HDAC4: variants seen among roughly 807,000 people sequenced by gnomAD.
The protein encoded by HDAC4 is histone deacetylase 4.
A neutral mutation model predicts 135.1 loss-of-function variants in HDAC4; 16 were observed. The ratio of observed to expected loss-of-function variants is 0.12; its 90% CI spans 0.08 to 0.18. The LOEUF (loss-of-function observed/expected upper bound fraction) is 0.18. Ranked by LOEUF, HDAC4 falls within the 10% of genes least tolerant of loss-of-function variation. HDAC4 has a pLI of 1.00. For missense variants in HDAC4, 1,143 were observed against 1,511.8 expected (o/e 0.76, Z 4.05); for synonymous variants, 685 against 653.4 (o/e 1.05, Z -0.74).
At chr2:239,395,712 A>ACTGCACACTTCTGC (rs1423319639) in intron 1 of HDAC4, among the ~76,000 whole-genome samples, 5 of 151,988 alleles carry the variant, frequency 3.3e-5, no homozygotes, top group Non-Finnish European at 5.9e-5. Context: ...TCCCTCTTAC[A>ACTGCACACTTCTGC]CTGCACACTT....
chr2:239,190,167 C>T, intron 3 of HDAC4, 90 bp from the exon 4 acceptor site: 1 of 1,421,804 alleles, frequency 7.0e-7, no homozygotes, highest in East Asian at 2.6e-5. Context: ...TGGCCACCTT[C>T]ACGGGGCGGG....
At chr2:239,253,609 C>T (rs759863749) in intron 2 of HDAC4, among the ~76,000 whole-genome samples, 2 of 152,230 alleles carry the variant, frequency 1.3e-5, no homozygotes, top group Non-Finnish European at 2.9e-5. Flanking sequence ...GGTTCCCAAA[C>T]CTTACTGCAC....
At chr2:239,383,180 G>A (rs1695539196) in intron 1 of HDAC4, among the ~76,000 whole-genome samples, 1 of 152,218 alleles carries the variant, frequency 6.6e-6, no homozygotes, top group Non-Finnish European at 1.5e-5. Context: ...TGTCGAGGAA[G>A]ATGTGCTTGT....
rs2047184025 is a variant in HDAC4 at position 239,225,476 on chromosome 2, A to G, written c.94+11117T>C. ...CAGAAGTCGGTCTGCGGGAGAGTAA[A>G]GCATAGCTGGACTCCCACCACCTGC... On this transcript the variant is annotated intron_variant, in intron 3 of 26. Coordinates refer to ENST00000543185, the MANE Select transcript of HDAC4 (RefSeq NM_001378414.1). Among the ~76,000 whole-genome samples, 5 of 152,374 alleles carry G rather than the reference A, an allele frequency of 3.3e-5. No individual in the cohort carries two copies. The South Asian group carries it at 1.0e-3, about 32-fold the overall frequency.
chr2:239,066,572 G>T, intron 24 of HDAC4, 150 bp downstream of exon 24: 1 of 985,256 alleles, frequency 1.0e-6, no homozygotes, highest in Non-Finnish European at 1.6e-6. Context: ...GCTATGCGGG[G>T]GTGGGGGGCA....
chr2:239,361,787 C>A (rs1425117304), intron 1 of HDAC4, among the ~76,000 whole-genome samples: 3 of 152,192 alleles, frequency 2.0e-5, no homozygotes, highest in Non-Finnish European at 4.4e-5. Flanking sequence ...GCAACACTCA[C>A]AACATAAAAA....
At chr2:239,211,148 C>G (rs1206420138) in intron 3 of HDAC4, among the ~76,000 whole-genome samples, 1 of 152,226 alleles carries the variant, frequency 6.6e-6, no homozygotes, top group Non-Finnish European at 1.5e-5. Context: ...AAATCACTTT[C>G]TCACAAAAAG....
chr2:239,129,674 C>T (rs1338105960), intron 11 of HDAC4, among the ~76,000 whole-genome samples: 2 of 152,216 alleles, frequency 1.3e-5, no homozygotes, highest in African/African-American at 4.8e-5. Context: ...CCGGCTCCTG[C>T]TCCTCCTGGA....
chr2:239,082,547 G>C (rs62189542), intron 20 of HDAC4, among the ~76,000 whole-genome samples: 1 of 152,236 alleles, frequency 6.6e-6, no homozygotes, highest in African/African-American at 2.4e-5. Flanking sequence ...CCATTTCCCA[G>C]ACGAAGCCAT....
At chr2:239,094,023 G>A in intron 17 of HDAC4, 1 of 985,420 alleles carries the variant, frequency 1.0e-6, no homozygotes, top group Non-Finnish European at 1.2e-6. Flanking sequence ...AAACAATTTT[G>A]TTTCATTTCC....
rs538687257 is a variant in HDAC4, at chr2:239,260,650, G to A, written c.23-23986C>T. ...TCTGTGGCCCTGCTGTGTGGCCTGT[G>A]GCCTGTGGCCTCCGGCTCTGCTCCT... On this transcript the variant is annotated intron_variant, in intron 2 of 26. Transcript: ENST00000543185. Among the ~76,000 whole-genome samples, 91 of 152,232 alleles carry A rather than the reference G, an allele frequency of 6.0e-4. No individual in the cohort carries two copies. In the Middle Eastern group the frequency reaches 0.017, roughly 28 times the overall value.
chr2:239,078,887 A>G (rs1574936532), intron 22 of HDAC4, among the ~76,000 whole-genome samples: 2 of 152,232 alleles, frequency 1.3e-5, no homozygotes, highest in East Asian at 3.9e-4. Context: ...CACTGACCTG[A>G]AAGAGGGCAG....
chr2:239,346,253 TACAC>T (rs752028994), intron 2 of HDAC4, among the ~76,000 whole-genome samples: 1 of 124,826 alleles, frequency 8.0e-6, no homozygotes, highest in African/African-American at 2.8e-5. Context: ...CATACTTTAA[TACAC>T]AGACACCCAC....
chr2:239,228,383 C>T (rs903638745), intron 3 of HDAC4, among the ~76,000 whole-genome samples: 2 of 142,078 alleles, frequency 1.4e-5, no homozygotes, highest in South Asian at 2.6e-4. Context: ...TGAGCCGGAA[C>T]GGGATGGCAG....
chr2:239,233,809 C>T (rs550308188), intron 3 of HDAC4, among the ~76,000 whole-genome samples: 2 of 152,174 alleles, frequency 1.3e-5, no homozygotes, highest in Non-Finnish European at 1.5e-5. Flanking sequence ...TCAAAGGGAG[C>T]GAGCTCTCAC....
At chr2:239,320,295 T>C (rs962152691) in intron 2 of HDAC4, among the ~76,000 whole-genome samples, 6 of 150,550 alleles carry the variant, frequency 4.0e-5, no homozygotes, top group East Asian at 3.9e-4. Flanking sequence ...GGCAGGAGAA[T>C]TGCTTGAACC....
chr2:239,133,656 G>A (rs146299455), intron 11 of HDAC4, among the ~76,000 whole-genome samples: 62 of 152,148 alleles, frequency 4.1e-4, no homozygotes, highest in East Asian at 2.5e-3. Context: ...TAGTAGAGAC[G>A]GGGTTTCACC....
chr2:239,238,441 G>C (rs112238279), intron 2 of HDAC4, among the ~76,000 whole-genome samples: 13 of 152,200 alleles, frequency 8.5e-5, no homozygotes, highest in African/African-American at 3.1e-4. Context: ...GGGGCTTGGG[G>C]GGACCACCCT....
chr2:239,281,568 TACAATGTACACACCACTCTCCAC>T (rs1429739606), intron 2 of HDAC4, among the ~76,000 whole-genome samples: 58 of 139,258 alleles, frequency 4.2e-4, no homozygotes, highest in African/African-American at 1.5e-3. Flanking sequence ...CACACCACTC[TACAATGTACACACCACTCTCCAC>T]ACAATGTACA....
Sources: gnomAD v4.1 joint callset for allele counts (sites outside exome capture counted in the v4.1 genomes callset) on GRCh38, gnomAD v4.1.1 for gene constraint, MANE v1.5 for transcripts, NCBI Gene and HGNC (gene_info 2026-07-23, HGNC 2026-07-21) for gene names.